Variants in MAP2 observed in about 807,000 individuals in gnomAD.
MAP2 encodes the protein microtubule associated protein 2.
MAP2 carries 14 observed loss-of-function variants against 137.6 expected under a neutral mutation model. The observed-to-expected ratio is 0.10, with a 90% CI of 0.07 to 0.16. The LOEUF is 0.16. MAP2 is among the 10% of genes least tolerant of loss of function. MAP2 has a pLI of 1.00. For synonymous variants in MAP2, 786 were observed against 782.3 expected, an observed-to-expected ratio of 1.00 and a Z score of -0.08; for missense variants, 2,088 against 2,191.5, an observed-to-expected ratio of 0.95 and a Z score of 0.94.
rs1361829221 is a variant in MAP2 at position 209,694,138 on chromosome 2, A to G, written c.1968A>G (p.Gln656=). ...TACCTGAAGAACCCAGTTCTCCTCA[A>G]GAAAGAATGTTCACTATTGATCCAA... The part of the protein sequence containing the change: ...SDLPEEPSSP[Q]ERMFTIDPKV... The change falls in exon 8 of 16, where the codon CAA becomes CAG. Residue 656 remains glutamine (Q), a synonymous_variant. Transcript: ENST00000682079. 6.2e-7 allele frequency: 1 copy of G among 1,614,106 alleles called. No homozygotes were observed.
chr2:209,528,948 A>G (rs2064654783), intron 2 of MAP2, among the ~76,000 whole-genome samples: 1 of 149,952 alleles, frequency 6.7e-6, no homozygotes. Flanking sequence ...ATATGTACAT[A>G]TACATATATC....
At chr2:209,730,081 G>C (rs1034517892) in intron 15 of MAP2, 101 bp from the exon 16 acceptor site, 3 of 1,160,302 alleles carry the variant, frequency 2.6e-6, no homozygotes, top group Non-Finnish European at 3.8e-6. Flanking sequence ...GGATAACAGA[G>C]GTGAATAGAA....
intron 4 of MAP2, among the ~76,000 whole-genome samples, 162 bp downstream of exon 4, chr2:209,625,291 T>A (rs1169267336): frequency 6.6e-6 from 1 of 152,192 alleles, no homozygotes; most frequent in African/African-American, 2.4e-5. Flanking sequence ...TTATAGCTAA[T>A]AAATTCAGTG....
At chr2:209,527,368 C>G (rs926952564) in intron 2 of MAP2, among the ~76,000 whole-genome samples, 34 of 152,130 alleles carry the variant, frequency 2.2e-4, no homozygotes, top group African/African-American at 8.2e-4. Flanking sequence ...TCCCTAACAT[C>G]TAGCCAAGTT....
At chr2:209,494,449 C>T (rs746858270) in intron 1 of MAP2, among the ~76,000 whole-genome samples, 1 of 145,710 alleles carries the variant, frequency 6.9e-6, no homozygotes, top group Non-Finnish European at 1.5e-5. Context: ...AAAAAAAAGC[C>T]AGCTAAATCC....
chr2:209,536,387 C>T lies in MAP2; in HGVS notation c.-172+28746C>T, dbSNP rs149694638. Among the ~76,000 whole-genome samples, 227 of 152,298 alleles carry T rather than the reference C, an allele frequency of 1.5e-3. No homozygotes were observed. The Middle Eastern group carries it at 0.017, about 11-fold the overall frequency. Reference sequence around the variant, plus strand: ...CAGGTAGAGAGAAAGGTAAATTTTGCTCAGAAATGTATACTGTTACCCAGC... The same window carrying T: ...CAGGTAGAGAGAAAGGTAAATTTTGTTCAGAAATGTATACTGTTACCCAGC... On this transcript the variant is annotated intron_variant, in intron 2 of 15. Coordinates refer to ENST00000682079, the MANE Select transcript of MAP2 (RefSeq NM_001375505.1).
At chr2:209,681,083 A>G (rs546978021) in intron 7 of MAP2, among the ~76,000 whole-genome samples, 3 of 152,356 alleles carry the variant, frequency 2.0e-5, no homozygotes, top group Admixed American at 6.5e-5. Flanking sequence ...AGTTGCTAAA[A>G]TAACTGTAGA....
At chr2:209,648,353 C>T (rs1018607650) in intron 4 of MAP2, among the ~76,000 whole-genome samples, 1 of 152,034 alleles carries the variant, frequency 6.6e-6, no homozygotes, top group Non-Finnish European at 1.5e-5. Context: ...CCCGACTTGG[C>T]CTACCAAAGT....
chr2:209,571,943 T>C lies in MAP2; in HGVS notation c.-171-8093T>C, dbSNP rs569559531. 1.6e-4 allele frequency among the ~76,000 whole-genome samples: 25 copies of C among 152,012 alleles called. No individual in the cohort carries two copies. In the South Asian group the frequency reaches 5.2e-3, roughly 32 times the overall value. On this transcript the variant is annotated intron_variant, in intron 2 of 15. Coordinates refer to ENST00000682079, the MANE Select transcript of MAP2 (RefSeq NM_001375505.1). The stretch of plus-strand genomic sequence containing the variant: ...AAGTGAAATAAAAGCACTGATGGAA[T>C]AAAGAAAAACGAGAATTTATTACTT...
chr2:209,638,255 C>G (rs2093725716), intron 4 of MAP2, among the ~76,000 whole-genome samples: 1 of 152,070 alleles, frequency 6.6e-6, no homozygotes, highest in Non-Finnish European at 1.5e-5. Context: ...GATAAATCTA[C>G]TCAAAGAGAG....
rs146020926 is a variant in MAP2, at chr2:209,692,546, A to C, written c.455-79A>C. ...GTTTTTATTCTACCATTCATTTATC[A>C]CTTCAAAATATAATTTTAAGCTTAT... On this transcript the variant is annotated intron_variant, in intron 7 of 15. Transcript: ENST00000682079. 6.3e-4 allele frequency: 915 copies of C among 1,444,204 alleles called. 5 individuals carry two copies. The African/African-American group carries it at 0.012, about 19-fold the overall frequency. 89.5% of individuals were successfully genotyped at this position (1,444,204 alleles called of 1,614,324 possible). A position where few individuals can be genotyped will look rare whatever the true frequency, so the allele number is the denominator to read the frequency against.
chr2:209,489,872 G>T (rs148038430), intron 1 of MAP2, among the ~76,000 whole-genome samples: 1 of 152,168 alleles, frequency 6.6e-6, no homozygotes, highest in Admixed American at 6.5e-5. Flanking sequence ...ACACACTTCA[G>T]TATATTATCC....
chr2:209,647,510 T>A (rs1441078464), intron 4 of MAP2, among the ~76,000 whole-genome samples: 1 of 152,210 alleles, frequency 6.6e-6, no homozygotes, highest in Non-Finnish European at 1.5e-5. Flanking sequence ...AAGACCATTC[T>A]ATTCTGGTTA....
At chr2:209,604,269 C>T (rs184727974) in intron 3 of MAP2, among the ~76,000 whole-genome samples, 1 of 152,150 alleles carries the variant, frequency 6.6e-6, no homozygotes, top group African/African-American at 2.4e-5. Flanking sequence ...GTACCCAGTA[C>T]CCTTGAAACA....
chr2:209,475,036 G>C (rs1396085339), intron 1 of MAP2, among the ~76,000 whole-genome samples: 1 of 151,958 alleles, frequency 6.6e-6, no homozygotes, highest in Non-Finnish European at 1.5e-5. Flanking sequence ...AATTTTCTAT[G>C]TGTATGAAGA....
At chr2:209,639,686 TG>T (rs2093853515) in intron 4 of MAP2, among the ~76,000 whole-genome samples, 1 of 152,042 alleles carries the variant, frequency 6.6e-6, no homozygotes, top group Admixed American at 6.6e-5. Flanking sequence ...TGCCATTGCC[TG>T]GCCATCGACC....
intron 3 of MAP2, among the ~76,000 whole-genome samples, chr2:209,586,177 A>T (rs914843100): frequency 4.6e-5 from 7 of 152,268 alleles, no homozygotes; most frequent in African/African-American, 1.7e-4. Flanking sequence ...GAAAAGCAAG[A>T]AGGTAGTGAC....
At chr2:209,632,953 A>G (rs2153556226) in intron 4 of MAP2, among the ~76,000 whole-genome samples, 1 of 152,148 alleles carries the variant, frequency 6.6e-6, no homozygotes. Context: ...TTTTCAGTGT[A>G]TATCAGATCA....
intron 1 of MAP2, among the ~76,000 whole-genome samples, chr2:209,428,202 T>C (rs1026175756): frequency 2.0e-5 from 3 of 152,202 alleles, no homozygotes; most frequent in Non-Finnish European, 4.4e-5. Flanking sequence ...CTTTGAATGG[T>C]AGTACTTTAA....
Sources: gnomAD v4.1 joint callset for allele counts (sites outside exome capture counted in the v4.1 genomes callset) on GRCh38, gnomAD v4.1.1 for gene constraint, MANE v1.5 for transcripts, NCBI Gene and HGNC (gene_info 2026-07-23, HGNC 2026-07-21) for gene names.